VWA5B1: variants seen among roughly 807,000 people sequenced by gnomAD.
VWA5B1 encodes the protein von Willebrand factor A domain-containing protein 5B1.
Under a neutral mutation model 118.2 loss-of-function variants are expected in VWA5B1, and 115 were observed. The ratio of observed to expected loss-of-function variants is 0.97; its 90% confidence interval spans 0.84 to 1.14. VWA5B1 has a LOEUF of 1.14. Ranked by LOEUF, VWA5B1 falls within the 50% of genes most tolerant of loss-of-function variation. The pLI, the probability that VWA5B1 is intolerant of heterozygous loss-of-function variation, is 0.00. For missense variants in VWA5B1, 1,596 were observed against 1,603.8 expected, an observed-to-expected ratio of 1.00 and a Z score of 0.08; for synonymous variants, 682 against 658.4, an observed-to-expected ratio of 1.04 and a Z score of -0.55.
At position 20,327,976 on chromosome 1, in the gene VWA5B1, T is replaced by C; in HGVS notation, c.1230T>C (p.Phe410=). ...TTGGATCCACATTTAAGAGCCTTTTTCCTTCCAGCCAGACCTACAGTGAGG... is the reference window on the plus strand; with the variant it reads ...TTGGATCCACATTTAAGAGCCTTTTCCCTTCCAGCCAGACCTACAGTGAGG... The part of the protein sequence containing the change: ...IGFGSTFKSL[F]PSSQTYSEDS... The change falls in exon 9 of 22, where the codon TTT becomes TTC. Residue 410 remains phenylalanine (F), a synonymous_variant. Transcript: ENST00000289815. The C allele has an allele frequency of 6.4e-7, 1 of 1,551,614 alleles. No homozygotes were observed. The highest frequency in any genetic ancestry group is 8.7e-7 in the Non-Finnish European group (1 of 1,146,990).
At chr1:20,347,619 A>AT (rs1557447595) in intron 17 of VWA5B1, among the ~76,000 whole-genome samples, 1 of 151,616 alleles carries the variant, frequency 6.6e-6, no homozygotes, top group African/African-American at 2.4e-5. Context: ...TTTTATTTTT[A>AT]TTTTTTATTT....
intron 7 of VWA5B1, among the ~76,000 whole-genome samples, chr1:20,320,356 T>A (rs1422519995): frequency 6.6e-6 from 1 of 152,252 alleles, no homozygotes; most frequent in Non-Finnish European, 1.5e-5. Context: ...CCCGCCTAGC[T>A]GGCACAGGGC....
At position 20,310,594 on chromosome 1, in the gene VWA5B1, C is replaced by T; in HGVS notation, c.-8C>T. Reference sequence around the variant, plus strand: ...CTCACAGGTTCTGAAGGCTGAGTAGCCAGCGGGATGCCCGGCTTGCTGAAT... The same window carrying T: ...CTCACAGGTTCTGAAGGCTGAGTAGTCAGCGGGATGCCCGGCTTGCTGAAT... On this transcript the variant is annotated 5_prime_UTR_variant, in exon 2 of 22. Coordinates refer to ENST00000289815, the MANE Select transcript of VWA5B1 (RefSeq NM_001039500.3). 2.0e-6 allele frequency: 3 copies of T among 1,528,542 alleles called. No homozygotes were observed. The highest frequency in any genetic ancestry group is 2.6e-6 in the Non-Finnish European group (3 of 1,136,688). The allele number at this position is 1,528,542 out of a possible 1,614,324, so 94.7% of individuals were successfully genotyped here.
At chr1:20,349,306 C>T in intron 18 of VWA5B1, 2 of 215,952 alleles carry the variant, frequency 9.3e-6, no homozygotes, top group South Asian at 5.7e-5. Flanking sequence ...CTGGTCTGTA[C>T]CTTCCTTTCT....
chr1:20,337,743 A>G lies in VWA5B1; in HGVS notation c.2040A>G (p.Pro680=). ...PRATMASDPM[P]AAKRYPLRKA... ...CCACCATGGCAAGTGACCCCATGCC[A>G]GCTGCCAAGAGATACCCACTGCGGA... Residue 680 remains proline, a synonymous_variant, in exon 14 of 22, where the codon CCA becomes CCG. Coordinates refer to ENST00000289815, the MANE Select transcript of VWA5B1 (RefSeq NM_001039500.3). 6.4e-7 allele frequency: 1 copy of G among 1,551,764 alleles called. No homozygotes were observed. The highest frequency in any genetic ancestry group is 8.7e-7 in the Non-Finnish European group (1 of 1,147,004).
chr1:20,342,730 C>T (rs1044530158), intron 15 of VWA5B1, 121 bp downstream of exon 15: 69 of 1,243,520 alleles, frequency 5.5e-5, no homozygotes, highest in Non-Finnish European at 6.7e-5. Flanking sequence ...TGGTCTGCTG[C>T]GGCTCACCCC....
chr1:20,327,802 G>T (rs144031820), intron 8 of VWA5B1, 88 bp from the exon 9 acceptor site: 1 of 1,126,314 alleles, frequency 8.9e-7, no homozygotes, highest in Non-Finnish European at 1.3e-6. Context: ...GAGGCTGCTC[G>T]TGTGCTGGGA....
chr1:20,336,056 A>G (rs531698394), intron 12 of VWA5B1, among the ~76,000 whole-genome samples: 1 of 152,216 alleles, frequency 6.6e-6, no homozygotes, highest in Non-Finnish European at 1.5e-5. Flanking sequence ...ACTTACATTT[A>G]AAAAAATTTA....
At chr1:20,318,006 C>T (rs1391298491) in intron 5 of VWA5B1, among the ~76,000 whole-genome samples, 1 of 149,308 alleles carries the variant, frequency 6.7e-6, no homozygotes, top group Non-Finnish European at 1.5e-5. Context: ...ATCAGAAGCA[C>T]CCAGAGACAC....
rs535556920 is a variant in VWA5B1 at position 20,323,563 on chromosome 1, C to A, written c.1143+31C>A. 4.0e-5 allele frequency: 55 copies of A among 1,358,880 alleles called. No individual in the cohort carries two copies. The African/African-American group carries it at 7.9e-4, about 20-fold the overall frequency. The allele number at this position is 1,358,880 out of a possible 1,614,324, so 84.2% of individuals were successfully genotyped here. A position where few individuals can be genotyped will look rare whatever the true frequency, so the allele number is the denominator to read the frequency against. ...TGCTGAGAGAACCCCTCCCGAGGAC[C>A]CGGGGCTCCAGGGGAAATCAGCTGT... On this transcript the variant is annotated intron_variant, in intron 8 of 21. Coordinates refer to ENST00000289815, the MANE Select transcript of VWA5B1 (RefSeq NM_001039500.3).
chr1:20,299,741 GTCTTC>G (rs2088472206), intron 1 of VWA5B1, among the ~76,000 whole-genome samples: 1 of 152,238 alleles, frequency 6.6e-6, no homozygotes, highest in African/African-American at 2.4e-5. Flanking sequence ...CGAAGTGGGA[GTCTTC>G]TCTAGTGTGC....
chr1:20,354,410 G>T lies in VWA5B1; in HGVS notation c.*147G>T. The T allele has an allele frequency of 1.9e-6, 2 of 1,063,250 alleles. No homozygotes were observed. The highest frequency in any genetic ancestry group is 2.6e-6 in the Non-Finnish European group (2 of 761,102). The allele number at this position is 1,063,250 out of a possible 1,614,324, so 65.9% of individuals were successfully genotyped here. ...CCCTGGACTGGCAGCCAGGAGGCCT[G>T]AGTTCAATCCCAACTTTGCTACCAT... On this transcript the variant is annotated 3_prime_UTR_variant, in exon 22 of 22. Coordinates refer to ENST00000289815, the MANE Select transcript of VWA5B1 (RefSeq NM_001039500.3).
Position 20,310,637 on chromosome 1 carries a change from C to T in VWA5B1, c.36C>T (p.Ala12=). 3.2e-6 allele frequency: 5 copies of T among 1,550,012 alleles called. No individual in the cohort carries two copies. In the Middle Eastern group the frequency reaches 5.0e-4, roughly 155 times the overall value. ...PGLLNWITGA[A]LPLTASDVTS... is the part of the protein sequence containing the mutation. Reference sequence around the variant, plus strand: ...TGCTGAATTGGATCACGGGGGCAGCCCTGCCCCTCACCGCGTCTGATGTTA... The same window carrying T: ...TGCTGAATTGGATCACGGGGGCAGCTCTGCCCCTCACCGCGTCTGATGTTA... Residue 12 remains alanine (A), a synonymous_variant, in exon 2 of 22, where the codon GCC becomes GCT. Coordinates refer to ENST00000289815, the MANE Select transcript of VWA5B1 (RefSeq NM_001039500.3).
At chr1:20,318,251 G>A (rs2089087065) in intron 5 of VWA5B1, among the ~76,000 whole-genome samples, 1 of 151,552 alleles carries the variant, frequency 6.6e-6, no homozygotes, top group Non-Finnish European at 1.5e-5. Context: ...TGCGTTTATG[G>A]AGCACCCGTC....
At chr1:20,317,301 A>G (rs1231866957) in intron 4 of VWA5B1, among the ~76,000 whole-genome samples, 1 of 152,024 alleles carries the variant, frequency 6.6e-6, no homozygotes, top group African/African-American at 2.4e-5. Flanking sequence ...ACCCATCGGG[A>G]GCACCGTGCC....
chr1:20,319,852 C>A (rs1463172361), intron 7 of VWA5B1, among the ~76,000 whole-genome samples: 3 of 152,198 alleles, frequency 2.0e-5, no homozygotes, highest in Admixed American at 6.5e-5. Flanking sequence ...CAGCTCCTTA[C>A]CTCCTGGACC....
At chr1:20,301,066 C>A (rs2088493215) in intron 1 of VWA5B1, among the ~76,000 whole-genome samples, 1 of 152,204 alleles carries the variant, frequency 6.6e-6, no homozygotes, top group South Asian at 2.1e-4. Flanking sequence ...ACAGGTTGGC[C>A]CAAACTGCTC....
intron 10 of VWA5B1, 56 bp downstream of exon 10, chr1:20,330,438 G>A (rs1295885642): frequency 1.2e-5 from 18 of 1,539,964 alleles, no homozygotes; most frequent in Admixed American, 7.9e-5. Flanking sequence ...GGGCTGGGGC[G>A]CCAGAGCCCA....
intron 12 of VWA5B1, 76 bp downstream of exon 12, chr1:20,333,027 CTATT>C (rs2089617275): frequency 2.0e-6 from 3 of 1,478,170 alleles, no homozygotes; most frequent in African/African-American, 1.4e-5. Context: ...GCTGGAAAGA[CTATT>C]TGTGACAGCT....
Sources: allele counts gnomAD v4.1 joint callset (sites outside exome capture counted in the v4.1 genomes callset), GRCh38; gene constraint gnomAD v4.1.1; transcripts MANE v1.5; gene names NCBI Gene and HGNC (gene_info 2026-07-23, HGNC 2026-07-21).